The following AGAP9 variants were observed in gnomAD, a reference collection of about 807,000 sequenced individuals.
AGAP9 encodes arf-GAP with GTPase, ANK repeat and PH domain-containing protein 9.
Under a neutral mutation model 55.6 loss-of-function variants are expected in AGAP9, and 23 were observed. The ratio of observed to expected loss-of-function variants is 0.41; its 90% CI spans 0.30 to 0.59. AGAP9 has a LOEUF of 0.59. Among genes scored for constraint, AGAP9 ranks in the 20% least tolerant of loss-of-function variants. The pLI, the probability that AGAP9 is intolerant of heterozygous loss-of-function variation, is 0.25. For synonymous variants in AGAP9, 120 were observed against 305.0 expected (o/e 0.39, Z 6.32); for missense variants, 309 against 808.1 (o/e 0.38, Z 7.49).
At chr10:47,504,846 CTTT>C (rs59529030) in intron 6 of AGAP9, among the ~76,000 whole-genome samples, 9 of 46,826 alleles carry the variant, frequency 1.9e-4, no homozygotes, top group South Asian at 6.9e-4. Context: ...CATAACTGTT[CTTT>C]TTTTTTTTTT....
Position 47,511,114 on chromosome 10 carries a change from T to G in AGAP9, c.397-843A>C, listed in dbSNP as rs1840612726. Among the ~76,000 whole-genome samples, 2 of 129,186 alleles carry G rather than the reference T, an allele frequency of 1.5e-5. 1 individual carries two copies. The highest frequency in any genetic ancestry group is 1.6e-4 in the Admixed American group (2 of 12,712). The allele number at this position is 129,186 out of a possible 152,430, so 84.8% of individuals were successfully genotyped here. On this transcript the variant is annotated intron_variant, in intron 4 of 7. Transcript: ENST00000452145. ...GCCCACCACCATGCCCGGCTAACTT[T>G]TTGTATTTTTAGTAGAGACGGGGTT...
chr10:47,503,219 A>G lies in AGAP9; in HGVS notation c.910T>C (p.Tyr304His), dbSNP rs1840394957. 5.0e-6 allele frequency: 8 copies of G among 1,586,702 alleles called. 1 individual carries two copies. In the South Asian group the frequency reaches 6.6e-5, roughly 13 times the overall value. The change falls in exon 8 of 8, where the codon TAC (tyrosine) becomes CAC (histidine). Residue 304 changes from tyrosine (Y) to histidine (H), a missense_variant. By Grantham distance (83) the Tyr-to-His change is moderately conservative (BLOSUM62 2). Transcript: ENST00000452145. ...ACGCCATTGGAACACAGGGTGACGT[A>G]TTTCTTTTTCCATGTCTTCAGCCAT... ...GKWLKTWKKK[Y>H]VTLCSNGVLT... is the part of the protein sequence containing the mutation.
Position 47,507,663 on chromosome 10 carries a change from G to A in AGAP9, c.498-80C>T. On this transcript the variant is annotated intron_variant, in intron 5 of 7. Coordinates refer to ENST00000452145, the MANE Select transcript of AGAP9 (RefSeq NM_001190810.1). Reference sequence around the variant, plus strand: ...AGACATTTTTTAAAAGGGGGGCAGAGGAAACTCTCCTAGCGGCCCTGAAAT... The same window carrying A: ...AGACATTTTTTAAAAGGGGGGCAGAAGAAACTCTCCTAGCGGCCCTGAAAT... The A allele has an allele frequency of 1.3e-6, 2 of 1,499,374 alleles. 1 individual carries two copies. The highest frequency in any genetic ancestry group is 2.3e-5 in the South Asian group (2 of 86,980). The allele number at this position is 1,499,374 out of a possible 1,614,324, so 92.9% of individuals were successfully genotyped here.
intron 7 of AGAP9, among the ~76,000 whole-genome samples, chr10:47,503,751 C>G (rs1840407181): frequency 7.6e-6 from 1 of 131,100 alleles, no homozygotes; most frequent in Admixed American, 7.7e-5. Flanking sequence ...TGGTGAAACC[C>G]TGTCTTTACA....
intron 5 of AGAP9, among the ~76,000 whole-genome samples, 169 bp downstream of exon 5, chr10:47,510,002 A>G (rs1481029840): frequency 7.0e-6 from 1 of 142,278 alleles, no homozygotes; most frequent in Admixed American, 7.2e-5. Flanking sequence ...TTTTCCTTCC[A>G]CCACGACGTC....
chr10:47,503,863 C>G (rs1303895146), intron 7 of AGAP9, among the ~76,000 whole-genome samples: 2 of 103,336 alleles, frequency 1.9e-5, no homozygotes, highest in Non-Finnish European at 3.6e-5. Context: ...GAACAGGGAC[C>G]TGGGAGGCAG....
At position 47,505,398 on chromosome 10, in the gene AGAP9, T is replaced by TA. The variant is rs1353542262; in HGVS notation, c.534-1159dup. 4.7e-3 allele frequency among the ~76,000 whole-genome samples: 523 copies of TA among 110,608 alleles called. 14 individuals are homozygous for TA. Among genetic ancestry groups the TA allele is most frequent in the African/African-American group, 0.016 (500 of 30,628 alleles). 72.6% of individuals were successfully genotyped at this position (110,608 alleles called of 152,430 possible). On this transcript the variant is annotated intron_variant, in intron 6 of 7. Coordinates refer to ENST00000452145, the MANE Select transcript of AGAP9 (RefSeq NM_001190810.1). ...GGTAAAAAACATAGCCTGAATTTCT[T>TA]AAGAACGTCTTTGATGAAGCAATAA...
chr10:47,502,688 CCA>C lies in AGAP9; in HGVS notation c.1439_1440del (p.Val480GlyfsTer3). 6.2e-7 allele frequency: 1 copy of C among 1,608,570 alleles called. No individual in the cohort carries two copies. The highest frequency in any genetic ancestry group is 1.7e-5 in the Admixed American group (1 of 59,440). On this transcript the variant is annotated frameshift_variant, in exon 8 of 8. Coordinates refer to ENST00000452145, the MANE Select transcript of AGAP9 (RefSeq NM_001190810.1). LOFTEE classifies it high-confidence loss of function. The part of the protein sequence containing the change: ...IQNMRGNAHC[V>X]DCETQNPKWA... ...CACTTAGGATTCTGGGTCTCACAGT[CCA>C]CACAGTGGGCGTTCCCACGCATGTT...
chr10:47,505,833 T>G (rs1840465501), intron 6 of AGAP9, among the ~76,000 whole-genome samples: 1 of 111,354 alleles, frequency 9.0e-6, no homozygotes, highest in Non-Finnish European at 1.8e-5. Context: ...AGTGACAGAG[T>G]GAAACTCGGT....
intron 7 of AGAP9, among the ~76,000 whole-genome samples, chr10:47,503,886 G>A (rs1466773261): frequency 2.2e-5 from 2 of 89,516 alleles, no homozygotes; most frequent in Non-Finnish European, 2.0e-5. Context: ...CCTGCAGTGA[G>A]CCAAGATCGC....
At chr10:47,522,275 C>T (rs1310522741) in intron 2 of AGAP9, among the ~76,000 whole-genome samples, 1 of 144,642 alleles carries the variant, frequency 6.9e-6, no homozygotes, top group African/African-American at 2.6e-5. Flanking sequence ...AACCAATCCC[C>T]ACCTCTCTTT....
At chr10:47,521,495 A>G (rs1840835596) in intron 2 of AGAP9, among the ~76,000 whole-genome samples, 1 of 140,558 alleles carries the variant, frequency 7.1e-6, no homozygotes, top group South Asian at 2.3e-4. Flanking sequence ...GAGCCCAACC[A>G]AAGTTTAAAT....
In AGAP9 at chr10:47,503,411, GT is replaced by G; in HGVS notation, c.717del (p.Thr241ProfsTer50). The G allele has an allele frequency of 6.2e-7, 1 of 1,610,184 alleles. No homozygotes were observed. On this transcript the variant is annotated frameshift_variant, in exon 8 of 8. Transcript: ENST00000452145. LOFTEE classifies it high-confidence loss of function. ...PQFSVPPTAN[T>X]PTPVCKRSMR... is the part of the protein sequence containing the mutation. ...ATGGACCGCTTGCAAACGGGGGTGG[GT>G]GTGTTGGCAGTGGGAGGAACACTGA...
intron 4 of AGAP9, among the ~76,000 whole-genome samples, chr10:47,514,139 TA>T (rs1343895094): frequency 1.4e-5 from 2 of 142,760 alleles, no homozygotes; most frequent in Non-Finnish European, 3.0e-5. Context: ...GACAAAGGGC[TA>T]TTATCCAGAA....
At chr10:47,509,901 C>A (rs1204924354) in intron 5 of AGAP9, among the ~76,000 whole-genome samples, 2 of 139,026 alleles carry the variant, frequency 1.4e-5, no homozygotes, top group Non-Finnish European at 3.1e-5. Context: ...ATAAAGGGAA[C>A]CTATCCTTCT....
At chr10:47,513,116 C>A (rs1840660882) in intron 4 of AGAP9, among the ~76,000 whole-genome samples, 1 of 147,656 alleles carries the variant, frequency 6.8e-6, no homozygotes, top group Non-Finnish European at 1.5e-5. Context: ...CTCACTGCAA[C>A]CTCTGCCTCC....
intron 4 of AGAP9, among the ~76,000 whole-genome samples, chr10:47,510,978 C>G (rs1433031095): frequency 3.1e-5 from 4 of 130,924 alleles, no homozygotes; most frequent in South Asian, 5.0e-4. Context: ...GAGTCTCGCT[C>G]TGTAGCCCAG....
In AGAP9 at chr10:47,502,210, T is replaced by C. The variant is rs2376612; in HGVS notation, c.1919A>G (p.Glu640Gly). ...LACRKGNVVL[E>G]QLLTGWTSWP... ...TGACGTCCACCCCGTCAGGAGCTGC[T>C]CCAGGACCACATTCCCCTTGCGGCA... Residue 640 changes from glutamate to glycine, a missense_variant, in exon 8 of 8, where the codon GAG becomes GGG. Coordinates refer to ENST00000452145, the MANE Select transcript of AGAP9 (RefSeq NM_001190810.1). 3.2e-6 allele frequency: 5 copies of C among 1,552,286 alleles called. 1 individual carries two copies. The highest frequency in any genetic ancestry group is 1.1e-5 in the South Asian group (1 of 88,226).
At chr10:47,503,857 A>G (rs1210387798) in intron 7 of AGAP9, among the ~76,000 whole-genome samples, 1 of 107,604 alleles carries the variant, frequency 9.3e-6, no homozygotes, top group Non-Finnish European at 1.8e-5. Flanking sequence ...TTGCTTGAAC[A>G]GGGACCTGGG....
Sources: gnomAD v4.1 joint callset for allele counts (sites outside exome capture counted in the v4.1 genomes callset) on GRCh38, gnomAD v4.1.1 for gene constraint, MANE v1.5 for transcripts, NCBI Gene and HGNC (gene_info 2026-07-23, HGNC 2026-07-21) for gene names.